The following KCNH1 variants were observed in gnomAD, a reference collection of about 807,000 sequenced individuals.
KCNH1 encodes the protein voltage-gated delayed rectifier potassium channel KCNH1.
In KCNH1, 27 loss-of-function variants were observed where a neutral mutation model predicts 69.2. The observed-to-expected ratio is 0.39, with a 90% CI of 0.29 to 0.54. KCNH1 has a LOEUF of 0.54. Ranked by LOEUF, KCNH1 falls within the 20% of genes least tolerant of loss-of-function variation. The pLI, the probability that KCNH1 is intolerant of heterozygous loss-of-function variation, is 0.68. For synonymous variants in KCNH1, 456 were observed against 487.7 expected (o/e 0.93, Z 0.86); for missense variants, 798 against 1,261.6 (o/e 0.63, Z 5.57).
chr1:210,918,761 A>C (rs1328405147), intron 7 of KCNH1: 1 of 152,228 alleles, frequency 6.6e-6, no homozygotes. Flanking sequence ...CAAGCAAGAC[A>C]TCAAAAATGT....
At chr1:211,085,247 G>A (rs921356281) in intron 4 of KCNH1, among the ~76,000 whole-genome samples, 4 of 152,162 alleles carry the variant, frequency 2.6e-5, no homozygotes, top group Non-Finnish European at 5.9e-5. Flanking sequence ...AAGGGCCATG[G>A]TTTATAAGTG....
chr1:210,990,251 G>A (rs1023860752), intron 6 of KCNH1, among the ~76,000 whole-genome samples: 7 of 152,222 alleles, frequency 4.6e-5, no homozygotes, highest in Non-Finnish European at 8.8e-5. Context: ...TTGTAAATAT[G>A]AGAAGAGGGT....
intron 1 of KCNH1, among the ~76,000 whole-genome samples, chr1:211,125,537 T>C (rs1371732842): frequency 6.6e-6 from 1 of 152,244 alleles, no homozygotes; most frequent in East Asian, 1.9e-4. Flanking sequence ...AGTTCTAGCC[T>C]AAAACACATT....
intron 10 of KCNH1, among the ~76,000 whole-genome samples, chr1:210,720,150 G>A (rs967606054): frequency 4.6e-5 from 7 of 152,186 alleles, no homozygotes; most frequent in Non-Finnish European, 1.0e-4. Flanking sequence ...GAGAGAATAG[G>A]AGAAAATGGC....
chr1:210,924,141 A>G (rs1217779167), intron 6 of KCNH1, among the ~76,000 whole-genome samples: 1 of 152,228 alleles, frequency 6.6e-6, no homozygotes, highest in Non-Finnish European at 1.5e-5. Flanking sequence ...GGCATGCAAT[A>G]GATTCTCTCC....
In KCNH1 at chr1:210,812,183, C is replaced by T. The variant is rs546618050; in HGVS notation, c.1463-8017G>A. 5.3e-5 allele frequency among the ~76,000 whole-genome samples: 8 copies of T among 152,238 alleles called. No homozygotes were observed. The East Asian group carries it at 1.5e-3, about 29-fold the overall frequency. ...TTTGACTTGCTCTTCACAGCCAAGG[C>T]TGATTGGATTATTCATTGATCACCT... On this transcript the variant is annotated intron_variant, in intron 7 of 10. Coordinates refer to ENST00000271751, the MANE Select transcript of KCNH1 (RefSeq NM_172362.3).
intron 5 of KCNH1, among the ~76,000 whole-genome samples, chr1:211,071,718 T>C (rs1690646818): frequency 6.6e-6 from 1 of 152,232 alleles, no homozygotes; most frequent in Admixed American, 6.5e-5. Flanking sequence ...ATTTTTTCAA[T>C]ATTTCTAGGC....
chr1:210,723,218 C>A (rs539507545), intron 10 of KCNH1, among the ~76,000 whole-genome samples: 1 of 152,128 alleles, frequency 6.6e-6, no homozygotes, highest in African/African-American at 2.4e-5. Context: ...AAAAATGATA[C>A]CTTACATTTT....
At chr1:210,786,427 C>T (rs571355998) in intron 9 of KCNH1, among the ~76,000 whole-genome samples, 77 of 152,254 alleles carry the variant, frequency 5.1e-4, no homozygotes, top group Middle Eastern at 3.4e-3. Context: ...TACTCCCTTA[C>T]GACCCCTCCC....
At chr1:210,709,122 G>A (rs961386871) in intron 10 of KCNH1, among the ~76,000 whole-genome samples, 2 of 152,110 alleles carry the variant, frequency 1.3e-5, no homozygotes, top group Non-Finnish European at 1.5e-5. Flanking sequence ...AAGGTGGCAC[G>A]CCTGTGGTCC....
intron 4 of KCNH1, among the ~76,000 whole-genome samples, 167 bp downstream of exon 4, chr1:211,090,395 A>G (rs1410586595): frequency 3.3e-5 from 5 of 152,136 alleles, no homozygotes; most frequent in African/African-American, 1.2e-4. Context: ...TCCTTCTCCT[A>G]CCCCGATACA....
intron 7 of KCNH1, among the ~76,000 whole-genome samples, chr1:210,827,292 C>T (rs748712997): frequency 1.1e-4 from 16 of 151,878 alleles, no homozygotes; most frequent in Non-Finnish European, 1.9e-4. Context: ...GCCGAGATTG[C>T]GCCATTGCAC....
chr1:210,797,826 C>T, intron 8 of KCNH1, 66 bp from the exon 9 acceptor site: 1 of 1,554,256 alleles, frequency 6.4e-7, no homozygotes, highest in South Asian at 1.2e-5. Context: ...CATCCTTCAG[C>T]ACTCTAGGGG....
intron 5 of KCNH1, among the ~76,000 whole-genome samples, chr1:211,034,337 T>C (rs914608244): frequency 1.2e-4 from 19 of 152,050 alleles, no homozygotes; most frequent in Non-Finnish European, 2.2e-4. Flanking sequence ...ATTACATACT[T>C]ATGACTCCAT....
rs979857554 is a variant in KCNH1 at position 211,114,847 on chromosome 1, T to C, written c.80-7470A>G. On this transcript the variant is annotated intron_variant, in intron 1 of 10. Coordinates refer to ENST00000271751, the MANE Select transcript of KCNH1 (RefSeq NM_172362.3). ...AAAGTAACCCACTGCTTGGACAAAATATCAAATAATATATAATCTCCTACA... is the reference window on the plus strand; with the variant it reads ...AAAGTAACCCACTGCTTGGACAAAACATCAAATAATATATAATCTCCTACA... Among the ~76,000 whole-genome samples, 13 of 152,300 alleles carry C rather than the reference T, an allele frequency of 8.5e-5. No homozygotes were observed. The South Asian group carries it at 2.7e-3, about 32-fold the overall frequency.
intron 7 of KCNH1, among the ~76,000 whole-genome samples, chr1:210,822,106 T>C (rs1051900433): frequency 4.6e-5 from 7 of 152,178 alleles, no homozygotes; most frequent in Admixed American, 6.5e-5. Flanking sequence ...CCCAGATGAA[T>C]AGACAAAGAG....
chr1:210,711,932 T>G (rs1682086267), intron 10 of KCNH1, among the ~76,000 whole-genome samples: 1 of 152,156 alleles, frequency 6.6e-6, no homozygotes, highest in African/African-American at 2.4e-5. Context: ...TTAGACAGTT[T>G]CCCTCACCTA....
At chr1:210,806,501 G>C (rs564057572) in intron 7 of KCNH1, among the ~76,000 whole-genome samples, 15 of 151,544 alleles carry the variant, frequency 9.9e-5, no homozygotes, top group Non-Finnish European at 2.1e-4. Flanking sequence ...CATGGGTTGT[G>C]GTATCATTTT....
chr1:211,113,971 C>CTA (rs1343779086), intron 1 of KCNH1, among the ~76,000 whole-genome samples: 9 of 124,248 alleles, frequency 7.2e-5, no homozygotes, highest in African/African-American at 2.3e-4. Context: ...CTCTCTCTCT[C>CTA]TCTCACACAC....
Sources: gnomAD v4.1 joint callset for allele counts (sites outside exome capture counted in the v4.1 genomes callset) on GRCh38, gnomAD v4.1.1 for gene constraint, MANE v1.5 for transcripts, NCBI Gene and HGNC (gene_info 2026-07-23, HGNC 2026-07-21) for gene names.